SGCZ: variants seen among roughly 807,000 people sequenced by gnomAD.
SGCZ encodes sarcoglycan zeta.
SGCZ carries 40 observed loss-of-function variants against 41.3 expected under a neutral mutation model. The observed-to-expected ratio is 0.97, with a 90% CI of 0.75 to 1.26. The LOEUF is 1.26. SGCZ is among the 50% of genes most tolerant of loss of function. SGCZ has a pLI of 0.00. For missense variants in SGCZ, 552 were observed against 369.8 expected, an observed-to-expected ratio of 1.49 and a Z score of -4.04; for synonymous variants, 206 against 137.5, an observed-to-expected ratio of 1.50 and a Z score of -3.49.
At chr8:14,883,561 A>G (rs889762398) in intron 1 of SGCZ, among the ~76,000 whole-genome samples, 1 of 152,114 alleles carries the variant, frequency 6.6e-6, no homozygotes, top group Admixed American at 6.6e-5. Context: ...CTTGTCCAAG[A>G]TCAAATGATG....
chr8:14,453,691 C>T, intron 2 of SGCZ, among the ~76,000 whole-genome samples: 1 of 152,180 alleles, frequency 6.6e-6, no homozygotes, highest in Admixed American at 6.5e-5. Flanking sequence ...ATGCTAATCC[C>T]TACAGATTTT....
At chr8:14,216,797 T>A (rs1348446249) in intron 4 of SGCZ, among the ~76,000 whole-genome samples, 1 of 152,100 alleles carries the variant, frequency 6.6e-6, no homozygotes, top group Non-Finnish European at 1.5e-5. Flanking sequence ...TTTCTCAAAA[T>A]CAGTAACAAG....
chr8:14,285,614 G>C (rs1380258254), intron 3 of SGCZ, among the ~76,000 whole-genome samples: 3 of 152,068 alleles, frequency 2.0e-5, no homozygotes, highest in Non-Finnish European at 4.4e-5. Context: ...CTTGCCATTA[G>C]AGAAAACAGA....
At chr8:14,552,822 A>T (rs1803913533) in intron 2 of SGCZ, among the ~76,000 whole-genome samples, 1 of 152,056 alleles carries the variant, frequency 6.6e-6, no homozygotes, top group Admixed American at 6.6e-5. Context: ...AATTAATTTA[A>T]ATATGCTTGA....
At chr8:14,821,768 CT>C (rs1304452913) in intron 1 of SGCZ, among the ~76,000 whole-genome samples, 1 of 151,870 alleles carries the variant, frequency 6.6e-6, no homozygotes, top group African/African-American at 2.4e-5. Flanking sequence ...TTCAGCATCC[CT>C]TCATGAAAAA....
chr8:15,206,146 G>A (rs879298574), intron 1 of SGCZ, among the ~76,000 whole-genome samples: 10 of 152,106 alleles, frequency 6.6e-5, no homozygotes, highest in Non-Finnish European at 1.3e-4. Context: ...GTTTACCTAT[G>A]CAACAAACCT....
chr8:14,672,888 C>G (rs1808149688), intron 1 of SGCZ, among the ~76,000 whole-genome samples: 2 of 152,082 alleles, frequency 1.3e-5, no homozygotes, highest in South Asian at 4.1e-4. Context: ...AATATTTTAG[C>G]CTTTCTGGGT....
At chr8:15,199,615 T>C (rs1010739381) in intron 1 of SGCZ, among the ~76,000 whole-genome samples, 9 of 152,078 alleles carry the variant, frequency 5.9e-5, no homozygotes, top group Admixed American at 2.0e-4. Flanking sequence ...TCTTTATAAA[T>C]AAGAAATAAT....
intron 1 of SGCZ, among the ~76,000 whole-genome samples, chr8:14,727,567 G>A (rs1261389405): frequency 2.0e-5 from 3 of 150,750 alleles, no homozygotes; most frequent in Non-Finnish European, 4.4e-5. Flanking sequence ...CTAGAGTGCA[G>A]TGGCCAGATC....
chr8:14,586,802 T>A (rs1024816212), intron 1 of SGCZ, among the ~76,000 whole-genome samples: 1 of 152,146 alleles, frequency 6.6e-6, no homozygotes, highest in African/African-American at 2.4e-5. Context: ...ATAAATTAGT[T>A]CTTTGTTTTC....
At chr8:14,940,989 C>G (rs1264980476) in intron 1 of SGCZ, among the ~76,000 whole-genome samples, 4 of 151,898 alleles carry the variant, frequency 2.6e-5, no homozygotes. Context: ...AAAAGCAAAT[C>G]TCTAATAAAC....
intron 5 of SGCZ, among the ~76,000 whole-genome samples, chr8:14,153,921 T>A (rs148696738): frequency 1.2e-3 from 145 of 117,088 alleles, no homozygotes; most frequent in East Asian, 8.1e-3. Context: ...TCTCTCTCTC[T>A]CTCACACACA....
intron 1 of SGCZ, among the ~76,000 whole-genome samples, chr8:15,146,270 C>T (rs1178874149): frequency 1.3e-5 from 2 of 152,174 alleles, no homozygotes; most frequent in South Asian, 2.1e-4. Context: ...AAATGCCTAC[C>T]GTTGATTTTC....
intron 3 of SGCZ, among the ~76,000 whole-genome samples, chr8:14,247,393 G>T (rs1799140279): frequency 6.6e-6 from 1 of 152,068 alleles, no homozygotes; most frequent in Non-Finnish European, 1.5e-5. Context: ...GATGCTGCAG[G>T]GAGCAGTTTT....
At chr8:14,814,669 G>A (rs148837215) in intron 1 of SGCZ, among the ~76,000 whole-genome samples, 1 of 152,188 alleles carries the variant, frequency 6.6e-6, no homozygotes, top group Non-Finnish European at 1.5e-5. Flanking sequence ...TTTCTTGCCA[G>A]CTCGGCAGGT....
At chr8:14,149,656 GAAA>G (rs35798060) in intron 5 of SGCZ, among the ~76,000 whole-genome samples, 1 of 140,496 alleles carries the variant, frequency 7.1e-6, no homozygotes, top group Admixed American at 7.1e-5. Context: ...TTCTTCATAG[GAAA>G]AAAAAAAAAA....
At chr8:14,633,802 A>G (rs910130547) in intron 1 of SGCZ, among the ~76,000 whole-genome samples, 1 of 151,976 alleles carries the variant, frequency 6.6e-6, no homozygotes, top group Non-Finnish European at 1.5e-5. Flanking sequence ...GCTAAAAGTT[A>G]AATCTGAAGG....
chr8:14,531,045 G>A (rs561728616), intron 2 of SGCZ, among the ~76,000 whole-genome samples: 7 of 151,934 alleles, frequency 4.6e-5, no homozygotes, highest in Non-Finnish European at 1.0e-4. Context: ...ACCAAACTAC[G>A]AGCTCCAGAT....
At chr8:15,013,504 C>T (rs1402939613) in intron 1 of SGCZ, among the ~76,000 whole-genome samples, 2 of 152,042 alleles carry the variant, frequency 1.3e-5, no homozygotes, top group Admixed American at 1.3e-4. Flanking sequence ...TTTCCTTTTC[C>T]TAATGTTCTC....
Sources: gnomAD v4.1 joint callset for allele counts (sites outside exome capture counted in the v4.1 genomes callset) on GRCh38, gnomAD v4.1.1 for gene constraint, MANE v1.5 for transcripts, NCBI Gene and HGNC (gene_info 2026-07-23, HGNC 2026-07-21) for gene names.